The following CENPI variants were observed in gnomAD, a reference collection of about 807,000 sequenced individuals.
CENPI encodes the protein centromere protein I, also known as FSH primary response 1.
In CENPI, 4 loss-of-function variants were observed where a neutral mutation model predicts 60.4. The ratio of observed to expected loss-of-function variants is 0.07; its 90% CI spans 0.03 to 0.15. CENPI has a LOEUF of 0.15. Ranked by LOEUF, CENPI falls within the 10% of genes least tolerant of loss-of-function variation. The pLI, the probability that CENPI is intolerant of heterozygous loss-of-function variation, is 1.00. For missense variants in CENPI, 444 were observed against 534.5 expected (o/e 0.83, Z 1.67); for synonymous variants, 157 against 189.4 (o/e 0.83, Z 1.40).
At chrX:101,159,184 CAG>C (rs1241670776) in intron 20 of CENPI, among the ~76,000 whole-genome samples, 1 of 110,380 alleles carries the variant, frequency 9.1e-6, no homozygotes, top group Non-Finnish European at 1.9e-5. Context: ...TTTTTTGAGA[CAG>C]AGTCTCGCTC....
chrX:101,142,829 T>C (rs1825239233), intron 16 of CENPI, among the ~76,000 whole-genome samples: 1 of 111,300 alleles, frequency 9.0e-6, no homozygotes, highest in African/African-American at 3.3e-5. Flanking sequence ...TCCCAGCACT[T>C]TGAGAGGCTG....
intron 8 of CENPI, among the ~76,000 whole-genome samples, chrX:101,124,824 C>T (rs1438945604): frequency 1.8e-5 from 2 of 111,859 alleles, no homozygotes; most frequent in African/African-American, 6.5e-5. Flanking sequence ...CTGAGGCCAC[C>T]CTAGCCACGT....
chrX:101,119,401 A>G (rs1308635662), intron 6 of CENPI, among the ~76,000 whole-genome samples: 1 of 111,362 alleles, frequency 9.0e-6, no homozygotes, highest in Non-Finnish European at 1.9e-5. Flanking sequence ...TCACTTTCCT[A>G]TTATTTAGAG....
intron 20 of CENPI, among the ~76,000 whole-genome samples, chrX:101,159,901 C>T (rs5920888): frequency 0.15 from 17,074 of 111,323 alleles, 1,188 homozygotes; most frequent in Middle Eastern, 0.22. Flanking sequence ...GTTTGACCTG[C>T]GTAAATTTGA....
chrX:101,170,554 TA>T (rs749917572), downstream of CENPI, among the ~76,000 whole-genome samples: 16 of 112,132 alleles, frequency 1.4e-4, 1 homozygote, highest in Admixed American at 1.9e-4. Flanking sequence ...TAAATGCAAA[TA>T]TATCCTATAT....
intron 16 of CENPI, among the ~76,000 whole-genome samples, chrX:101,144,091 T>C (rs778668342): frequency 2.0e-5 from 2 of 100,269 alleles, no homozygotes; most frequent in African/African-American, 3.7e-5. Flanking sequence ...CTTTTTCTTT[T>C]TTTTTTTTTT....
intron 7 of CENPI, 45 bp downstream of exon 7, chrX:101,120,495 A>G (rs748615927): frequency 1.4e-6 from 1 of 695,210 alleles, no homozygotes; most frequent in Non-Finnish European, 2.3e-6. Flanking sequence ...TAGAATTAGC[A>G]TTTGTATTGG....
chrX:101,180,987 T>C, the CENPI span, among the ~76,000 whole-genome samples: 2 of 111,849 alleles, frequency 1.8e-5, no homozygotes, highest in Non-Finnish European at 3.8e-5. Flanking sequence ...TGGTATGAGG[T>C]GGTCTAAATT....
chrX:101,113,957 T>C lies in CENPI; in HGVS notation c.591+3959T>C, dbSNP rs769722542. ...CTTTTTTTCTTTTCTCTCTGGCTGCTTTTAAAAAACAGCTTTAGGCCAGGA... is the reference window on the plus strand; with the variant it reads ...CTTTTTTTCTTTTCTCTCTGGCTGCCTTTAAAAAACAGCTTTAGGCCAGGA... On this transcript the variant is annotated intron_variant, in intron 6 of 21. Coordinates refer to ENST00000682095, the MANE Select transcript of CENPI (RefSeq NM_001386188.2). 1.5e-3 allele frequency among the ~76,000 whole-genome samples: 165 copies of C among 112,154 alleles called. 1 individual carries two copies. The highest frequency in any genetic ancestry group is 1.6e-3 in the Non-Finnish European group (86 of 53,227).
downstream of CENPI, among the ~76,000 whole-genome samples, chrX:101,168,621 ACTT>A (rs1281454045): frequency 2.7e-5 from 3 of 112,187 alleles, no homozygotes; most frequent in African/African-American, 9.7e-5. Context: ...CTTAAGCACA[ACTT>A]CTGATCTATC....
In CENPI at chrX:101,157,455, C is replaced by G. The variant is rs139708551; in HGVS notation, c.2095-4073C>G. On this transcript the variant is annotated intron_variant, in intron 20 of 21. Transcript: ENST00000682095. ...GTGAGCCCAGGAGTTTGAGACCAGC[C>G]TTGGCAATATAGTGTGATGCTGTCT... Among the ~76,000 whole-genome samples the G allele has an allele frequency of 9.8e-4, 108 of 110,315 alleles. 4 individuals are homozygous for G. In the East Asian group the frequency reaches 0.03, roughly 30 times the overall value.
At chrX:101,109,633 A>G in intron 5 of CENPI, 42 bp downstream of exon 5, 1 of 996,819 alleles carries the variant, frequency 1.0e-6, no homozygotes, top group Non-Finnish European at 1.4e-6. Context: ...CTTCAGAACC[A>G]CTTAAGGGCT....
intron 6 of CENPI, among the ~76,000 whole-genome samples, chrX:101,114,208 G>A (rs1175049535): frequency 8.9e-6 from 1 of 112,229 alleles, no homozygotes; most frequent in Non-Finnish European, 1.9e-5. Flanking sequence ...AGTGAGCCAA[G>A]ATTGCGCCAC....
chrX:101,149,537 C>T (rs1255434585), intron 20 of CENPI, among the ~76,000 whole-genome samples: 3 of 102,406 alleles, frequency 2.9e-5, no homozygotes, highest in African/African-American at 7.2e-5. Flanking sequence ...GATAGAGTCT[C>T]GCTCTGTCGC....
chrX:101,149,710 T>A (rs2089991481), intron 20 of CENPI, among the ~76,000 whole-genome samples: 1 of 110,560 alleles, frequency 9.0e-6, no homozygotes, highest in African/African-American at 3.3e-5. Flanking sequence ...TTTTGCCATG[T>A]TGGCCAGGGT....
In CENPI at chrX:101,109,955, T is replaced by G. The variant is rs762915492; in HGVS notation, c.548T>G (p.Leu183Trp). ...ATTGATCGTAAGGAGCAAATTAACTTGCTCTATGGCTTCTTTTTTGCTTCA... is the reference window on the plus strand; with the variant it reads ...ATTGATCGTAAGGAGCAAATTAACTGGCTCTATGGCTTCTTTTTTGCTTCA... ...DFIDRKEQINLLYGFFFASLQ... is the reference protein window; with the variant it reads ...DFIDRKEQINWLYGFFFASLQ... The change falls in exon 6 of 22, where the codon TTG becomes TGG. Residue 183 changes from leucine to tryptophan, a missense_variant. Leu to Trp is a moderately conservative substitution (Grantham distance 61, BLOSUM62 -2). Coordinates refer to ENST00000682095, the MANE Select transcript of CENPI (RefSeq NM_001386188.2). The G allele has an allele frequency of 1.7e-6, 2 of 1,205,615 alleles. No individual in the cohort carries two copies. The highest frequency in any genetic ancestry group is 2.2e-5 in the Admixed American group (1 of 45,607).
the CENPI span, among the ~76,000 whole-genome samples, chrX:101,175,204 A>T: frequency 8.9e-6 from 1 of 112,581 alleles, no homozygotes; most frequent in South Asian, 3.6e-4. Flanking sequence ...TATTTCAATA[A>T]CTTAACCCCA....
At chrX:101,110,782 G>C (rs2089545586) in intron 6 of CENPI, among the ~76,000 whole-genome samples, 1 of 111,964 alleles carries the variant, frequency 8.9e-6, no homozygotes, top group Non-Finnish European at 1.9e-5. Flanking sequence ...ATCAAAAACA[G>C]TATATGATAG....
chrX:101,145,247 C>T, intron 17 of CENPI, 48 bp downstream of exon 17: 2 of 1,039,795 alleles, frequency 1.9e-6, no homozygotes, highest in Non-Finnish European at 2.6e-6. Context: ...GAAGGCTATC[C>T]ACTTTATTGG....
Sources: gnomAD v4.1 joint callset for allele counts (sites outside exome capture counted in the v4.1 genomes callset) on GRCh38, gnomAD v4.1.1 for gene constraint, MANE v1.5 for transcripts, NCBI Gene and HGNC (gene_info 2026-07-23, HGNC 2026-07-21) for gene names.